ZNF600: variants seen among roughly 807,000 people sequenced by gnomAD.
ZNF600 encodes zinc finger protein 600.
Under a neutral mutation model 7.3 loss-of-function variants are expected in ZNF600, and 4 were observed. That is an observed-to-expected ratio of 0.55 (90% CI 0.27 to 1.25). The LOEUF (loss-of-function observed/expected upper bound fraction) is 1.25. Ranked by LOEUF, ZNF600 falls within the 50% of genes most tolerant of loss-of-function variation. The pLI, the probability that ZNF600 is intolerant of heterozygous loss-of-function variation, is 0.12. For missense variants in ZNF600, 911 were observed against 922.1 expected, an observed-to-expected ratio of 0.99 and a Z score of 0.16; for synonymous variants, 290 against 308.9, an observed-to-expected ratio of 0.94 and a Z score of 0.64.
At chr19:52,822,203 G>A in the ZNF600 span, among the ~76,000 whole-genome samples, 1 of 150,742 alleles carries the variant, frequency 6.6e-6, no homozygotes, top group Non-Finnish European at 1.5e-5. Flanking sequence ...CTCCGGAGTA[G>A]CTGGCACTAC....
chr19:52,776,410 T>C (rs2062675698), intron 2 of ZNF600, among the ~76,000 whole-genome samples: 1 of 150,326 alleles, frequency 6.7e-6, no homozygotes, highest in Non-Finnish European at 1.5e-5. Context: ...TTCCCAATAC[T>C]TCTTACTTTT....
upstream of ZNF600, among the ~76,000 whole-genome samples, chr19:52,790,226 A>T (rs535970431): frequency 2.6e-5 from 4 of 152,294 alleles, no homozygotes; most frequent in African/African-American, 9.6e-5. Flanking sequence ...CCTGACATAC[A>T]TGTGCCCCAC....
intron 1 of ZNF600, among the ~76,000 whole-genome samples, chr19:52,783,570 C>G (rs981518649): frequency 6.6e-6 from 1 of 152,110 alleles, no homozygotes; most frequent in African/African-American, 2.4e-5. Flanking sequence ...ACCGTGTTAG[C>G]CAGGACGGTC....
the ZNF600 span, among the ~76,000 whole-genome samples, chr19:52,804,414 G>A: frequency 2.0e-5 from 3 of 152,024 alleles, no homozygotes; most frequent in Non-Finnish European, 4.4e-5. Context: ...TCTGTCTCCC[G>A]GTCTGGAGTA....
the ZNF600 span, chr19:52,800,355 C>A: frequency 6.2e-7 from 1 of 1,613,980 alleles, no homozygotes; most frequent in Non-Finnish European, 8.5e-7. Flanking sequence ...ACAAACCTTA[C>A]ATTTGTATGG....
chr19:52,766,808 G>A (rs774959009), exon 4 of ZNF600: 9 of 1,614,052 alleles, frequency 5.6e-6, no homozygotes, highest in Admixed American at 1.7e-5. Context: ...GTGACTCAAG[G>A]GTTGATTTCC....
intron 2 of ZNF600, among the ~76,000 whole-genome samples, chr19:52,776,458 C>CTAGA (rs1363895380): frequency 6.6e-6 from 1 of 151,656 alleles, no homozygotes; most frequent in Non-Finnish European, 1.5e-5. Flanking sequence ...ATTGCACAGG[C>CTAGA]TAGAGTGCAG....
Position 52,778,873 on chromosome 19 carries a change from C to T in ZNF600, c.16G>A (p.Ala6Thr), listed in dbSNP as rs925660311. The T allele has an allele frequency of 4.4e-6, 7 of 1,605,482 alleles. No individual in the cohort carries two copies. In the African/African-American group the frequency reaches 9.4e-5, roughly 22 times the overall value. ...TCCTTTCCTTTCCTCTTCTGAGCTG[C>T]TTCTTCACATAACATGAGTCTTTAG... Residue 6 changes from alanine (A) to threonine (T), a missense_variant, in exon 2 of 4, where the codon GCA becomes ACA. Transcript: ENST00000648973.
chr19:52,776,354 T>C (rs2062675201), intron 2 of ZNF600, among the ~76,000 whole-genome samples: 2 of 151,870 alleles, frequency 1.3e-5, no homozygotes, highest in African/African-American at 2.4e-5. Flanking sequence ...ACACGGAGCA[T>C]CCTACAAGGT....
chr19:52,823,352 T>G, the ZNF600 span, among the ~76,000 whole-genome samples: 1 of 152,180 alleles, frequency 6.6e-6, no homozygotes, highest in Admixed American at 6.5e-5. Context: ...TAGCTGGGAT[T>G]ACAGGCACAC....
chr19:52,796,220 A>C, the ZNF600 span, among the ~76,000 whole-genome samples: 1 of 152,126 alleles, frequency 6.6e-6, no homozygotes, highest in African/African-American at 2.4e-5. Flanking sequence ...GGGTCTGGGG[A>C]CAGGGGGAAT....
chr19:52,800,844 T>C, the ZNF600 span: 27 of 1,613,946 alleles, frequency 1.7e-5, no homozygotes, highest in Non-Finnish European at 2.3e-5. Context: ...TGTGAAAGCT[T>C]TGTCACAAAC....
chr19:52,800,725 G>T, the ZNF600 span: 1 of 1,612,358 alleles, frequency 6.2e-7, no homozygotes, highest in Non-Finnish European at 8.5e-7. Flanking sequence ...TGAAGCCTAC[G>T]ATGGCGTGCA....
At chr19:52,818,403 C>A in the ZNF600 span, among the ~76,000 whole-genome samples, 13 of 152,126 alleles carry the variant, frequency 8.5e-5, no homozygotes, top group South Asian at 2.7e-3. Context: ...ATGGAGAAAC[C>A]CTCTCTCTAC....
At chr19:52,784,481 C>T (rs2062748660) in intron 1 of ZNF600, among the ~76,000 whole-genome samples, 1 of 152,144 alleles carries the variant, frequency 6.6e-6, no homozygotes, top group Non-Finnish European at 1.5e-5. Flanking sequence ...ACATCACTGT[C>T]CCACTTCCTA....
At chr19:52,801,216 A>G in the ZNF600 span, 2 of 1,605,938 alleles carry the variant, frequency 1.2e-6, no homozygotes, top group Non-Finnish European at 1.7e-6. Flanking sequence ...TTTTTCTCTC[A>G]TGTGTACATT....
chr19:52,791,941 C>G, the ZNF600 span, among the ~76,000 whole-genome samples: 63 of 152,340 alleles, frequency 4.1e-4, no homozygotes, highest in African/African-American at 1.5e-3. Context: ...ATGGAGGACT[C>G]AGAGCTTCGA....
At chr19:52,827,902 G>A in the ZNF600 span, among the ~76,000 whole-genome samples, 1 of 152,052 alleles carries the variant, frequency 6.6e-6, no homozygotes. Context: ...GGGTGAGTGC[G>A]AGCAAACGTG....
At chr19:52,775,241 AAAAAC>A (rs931688249) in intron 2 of ZNF600, among the ~76,000 whole-genome samples, 2 of 151,968 alleles carry the variant, frequency 1.3e-5, no homozygotes, top group South Asian at 2.1e-4. Flanking sequence ...CTCCATCTCA[AAAAAC>A]AAAACAAAAC....
Sources: allele counts gnomAD v4.1 joint callset (sites outside exome capture counted in the v4.1 genomes callset), GRCh38; gene constraint gnomAD v4.1.1; transcripts MANE v1.5; gene names NCBI Gene and HGNC (gene_info 2026-07-23, HGNC 2026-07-21).